The following PPHLN1 variants were observed in gnomAD, a reference collection of about 807,000 sequenced individuals.
PPHLN1 encodes periphilin-1.
A neutral mutation model predicts 51.3 loss-of-function variants in PPHLN1; 29 were observed. The observed-to-expected ratio is 0.57, with a 90% confidence interval of 0.42 to 0.77. The LOEUF is 0.77. Among genes scored for constraint, PPHLN1 ranks in the 30% least tolerant of loss-of-function variants. The pLI, the probability that PPHLN1 is intolerant of heterozygous loss-of-function variation, is 0.00. For synonymous variants in PPHLN1, 147 were observed against 147.8 expected (o/e 0.99, Z 0.04); for missense variants, 436 against 438.4 (o/e 0.99, Z 0.05).
At chr12:42,350,639 G>T (rs556220501) in intron 2 of PPHLN1, among the ~76,000 whole-genome samples, 2 of 152,276 alleles carry the variant, frequency 1.3e-5, no homozygotes, top group East Asian at 3.9e-4. Context: ...GTTGTAGCGA[G>T]CGGAGATCAC....
intron 2 of PPHLN1, chr12:42,350,181 G>A (rs1245841701): frequency 6.7e-6 from 1 of 148,646 alleles, no homozygotes; most frequent in African/African-American, 2.5e-5. Context: ...CGGGCGGCTG[G>A]GGGAGGCGCC....
At chr12:42,369,001 A>G (rs1320281336) in intron 4 of PPHLN1, among the ~76,000 whole-genome samples, 1 of 152,158 alleles carries the variant, frequency 6.6e-6, no homozygotes, top group African/African-American at 2.4e-5. Context: ...ACAAATTACA[A>G]CCCATAGGCC....
intron 4 of PPHLN1, among the ~76,000 whole-genome samples, chr12:42,364,898 C>T (rs931237189): frequency 2.0e-5 from 3 of 152,284 alleles, no homozygotes; most frequent in Middle Eastern, 6.8e-3. Context: ...GCGTGGGCGA[C>T]AGAGGGAGAC....
chr12:42,444,497 A>G (rs947869385), downstream of PPHLN1: 3 of 151,164 alleles, frequency 2.0e-5, no homozygotes, highest in African/African-American at 7.3e-5. Context: ...TTTCCCCTAC[A>G]GGATTAATAG....
chr12:42,420,755 G>T (rs2139686723), intron 9 of PPHLN1, among the ~76,000 whole-genome samples: 1 of 146,096 alleles, frequency 6.8e-6, no homozygotes, highest in South Asian at 2.2e-4. Flanking sequence ...GCAAGATTCT[G>T]TGTGTATTTT....
At position 42,378,381 on chromosome 12, in the gene PPHLN1, C is replaced by T. The variant is rs76834909; in HGVS notation, c.511+3307C>T. 4.5e-3 allele frequency among the ~76,000 whole-genome samples: 685 copies of T among 151,748 alleles called. 1 individual carries two copies. The highest frequency in any genetic ancestry group is 0.016 in the African/African-American group (664 of 41,368). On this transcript the variant is annotated intron_variant, in intron 5 of 9. Transcript: ENST00000358314. The stretch of plus-strand genomic sequence containing the variant: ...TAATTATTTTACCTATTTCAGATAC[C>T]AGTTTTTGCTTTAAATGTCACAAAT...
intron 9 of PPHLN1, among the ~76,000 whole-genome samples, chr12:42,411,774 G>A (rs1030568884): frequency 6.6e-6 from 1 of 150,792 alleles, no homozygotes; most frequent in Non-Finnish European, 1.5e-5. Context: ...GTATGGTGGT[G>A]CATGCCTGTA....
chr12:42,405,642 T>C (rs1042601945), intron 9 of PPHLN1, among the ~76,000 whole-genome samples: 1 of 151,472 alleles, frequency 6.6e-6, no homozygotes, highest in Admixed American at 6.6e-5. Context: ...CAATGCAATA[T>C]ATGTTATTTC....
At position 42,336,028 on chromosome 12, in the gene PPHLN1, T is replaced by C. The variant is rs891496158; in HGVS notation, c.72+54T>C. On this transcript the variant is annotated intron_variant, in intron 2 of 9. Coordinates refer to ENST00000358314, the MANE Select transcript of PPHLN1 (RefSeq NM_201439.2). ...CAAAAACCTGGTGTCTGAATTAATTTGATACACCAAAGCTAGGCCTATTAA... is the reference window on the plus strand; with the variant it reads ...CAAAAACCTGGTGTCTGAATTAATTCGATACACCAAAGCTAGGCCTATTAA... The C allele has an allele frequency of 4.0e-6, 5 of 1,243,360 alleles. No homozygotes were observed. The African/African-American group carries it at 7.6e-5, about 19-fold the overall frequency. The allele number at this position is 1,243,360 out of a possible 1,614,324, so 77.0% of individuals were successfully genotyped here. A position where few individuals can be genotyped will look rare whatever the true frequency, so the allele number is the denominator to read the frequency against.
chr12:42,445,774 A>G (rs2083282184), downstream of PPHLN1: 1 of 579,878 alleles, frequency 1.7e-6, no homozygotes, highest in South Asian at 2.8e-5. Context: ...CTGCAACACT[A>G]CTAGCACAAG....
At chr12:42,435,411 T>C (rs776701011) in intron 9 of PPHLN1, among the ~76,000 whole-genome samples, 15 of 152,208 alleles carry the variant, frequency 9.9e-5, no homozygotes, top group Non-Finnish European at 5.9e-5. Context: ...GAGCTGTGTT[T>C]TTAAGAGGCA....
At chr12:42,386,276 C>G (rs2077183770) in intron 6 of PPHLN1, among the ~76,000 whole-genome samples, 1 of 152,228 alleles carries the variant, frequency 6.6e-6, no homozygotes, top group Non-Finnish European at 1.5e-5. Flanking sequence ...TCAAAAATAT[C>G]TGCACATACT....
intron 8 of PPHLN1, among the ~76,000 whole-genome samples, chr12:42,394,102 C>T (rs1303535999): frequency 1.3e-5 from 2 of 152,042 alleles, no homozygotes; most frequent in East Asian, 3.8e-4. Context: ...CAGATTATCT[C>T]ATAAATATCC....
chr12:42,437,153 A>C (rs1038494031), intron 9 of PPHLN1, among the ~76,000 whole-genome samples: 2 of 152,168 alleles, frequency 1.3e-5, no homozygotes, highest in Non-Finnish European at 2.9e-5. Context: ...GGAGCTCTTC[A>C]TGATCTCGTT....
chr12:42,389,168 C>T (rs1177058942), intron 7 of PPHLN1, among the ~76,000 whole-genome samples: 3 of 151,726 alleles, frequency 2.0e-5, no homozygotes, highest in Non-Finnish European at 2.9e-5. Context: ...GTCAAGAGAT[C>T]GAGACCATCC....
chr12:42,393,688 A>C lies in PPHLN1; in HGVS notation c.767A>C (p.Glu256Ala). 10 of 1,600,394 alleles carry C rather than the reference A, an allele frequency of 6.2e-6. No homozygotes were observed. Among genetic ancestry groups the C allele is most frequent in the Non-Finnish European group, 7.7e-6 (9 of 1,176,068 alleles). The change falls in exon 8 of 10, where the codon GAG becomes GCG. Residue 256 changes from glutamate (E) to alanine (A), a missense_variant and splice_region_variant. By Grantham distance (107) the Glu-to-Ala change is moderately radical. Transcript: ENST00000358314. ...AACTTGCCTGAAATTTCTGAGTATG[A>C]GGTAAGGCATAATGTCTCCTTTATG... is the stretch of plus-strand genomic sequence containing the variant. Reference protein sequence around the residue: ...ESNLPEISEYEAGSTAPLFTD... With the variant: ...ESNLPEISEYAAGSTAPLFTD...
intron 9 of PPHLN1, among the ~76,000 whole-genome samples, chr12:42,420,507 T>C (rs55702525): frequency 0.61 from 91,041 of 150,040 alleles, 27,840 homozygotes; most frequent in Admixed American, 0.67. Context: ...CTCACTTTCT[T>C]GCGCAGGCTA....
chr12:42,345,217 T>C (rs2072125311), intron 2 of PPHLN1, among the ~76,000 whole-genome samples: 1 of 152,176 alleles, frequency 6.6e-6, no homozygotes, highest in Admixed American at 6.5e-5. Flanking sequence ...CTCATTAACG[T>C]AAGCAAACCA....
intron 9 of PPHLN1, among the ~76,000 whole-genome samples, chr12:42,411,366 C>G (rs1175359364): frequency 1.3e-5 from 1 of 76,252 alleles, no homozygotes; most frequent in African/African-American, 3.2e-5. Flanking sequence ...GTCACTACAG[C>G]AGTTACTACT....
Sources: gnomAD v4.1 joint callset for allele counts (sites outside exome capture counted in the v4.1 genomes callset) on GRCh38, gnomAD v4.1.1 for gene constraint, MANE v1.5 for transcripts, NCBI Gene and HGNC (gene_info 2026-07-23, HGNC 2026-07-21) for gene names.